The following KCNH1 variants were observed in gnomAD, a reference collection of about 807,000 sequenced individuals.
KCNH1 encodes the protein potassium voltage-gated channel subfamily H member 1, also known as voltage-gated delayed rectifier potassium channel KCNH1.
KCNH1 carries 27 observed loss-of-function variants against 69.2 expected under a neutral mutation model. That is an observed-to-expected ratio of 0.39 (90% CI 0.29 to 0.54). The LOEUF (loss-of-function observed/expected upper bound fraction) is 0.54. KCNH1 is among the 20% of genes least tolerant of loss of function. The probability of loss-of-function intolerance (pLI) is 0.68; values close to 1 mark genes in which losing one functional copy is unlikely to be tolerated. For missense variants in KCNH1, 798 were observed against 1,261.6 expected, an observed-to-expected ratio of 0.63 and a Z score of 5.57; for synonymous variants, 456 against 487.7, an observed-to-expected ratio of 0.93 and a Z score of 0.86.
At position 210,797,514 on chromosome 1, in the gene KCNH1, T is replaced by C; in HGVS notation, c.1909A>G (p.Ile637Val). The C allele has an allele frequency of 1.2e-6, 2 of 1,614,000 alleles. No individual in the cohort carries two copies. Among genetic ancestry groups the C allele is most frequent in the Non-Finnish European group, 1.7e-6 (2 of 1,179,900 alleles). Residue 637 changes from isoleucine to valine, a missense_variant, in exon 9 of 11, where the codon ATT becomes GTT. Around this residue, in one of 4 missense-constraint regions of KCNH1, gnomAD observed 197 missense variants for 407.7 expected, o/e 0.48. Transcript: ENST00000271751. Reference sequence around the variant, plus strand: ...CAGCAAAGCCAACACCTACCTAGAATGGCCACCACCTCATCATCTTGGATC... The same window carrying C: ...CAGCAAAGCCAACACCTACCTAGAACGGCCACCACCTCATCATCTTGGATC... ...EVIQDDEVVA[I>V]LGKGDVFGDV...
chr1:210,757,450 G>A (rs1033469863), intron 10 of KCNH1, among the ~76,000 whole-genome samples: 13 of 152,124 alleles, frequency 8.5e-5, no homozygotes, highest in African/African-American at 3.1e-4. Flanking sequence ...GCCAGAAAAG[G>A]CCTTAGATTC....
intron 10 of KCNH1, among the ~76,000 whole-genome samples, chr1:210,726,194 T>A (rs1197919850): frequency 6.6e-6 from 1 of 152,036 alleles, no homozygotes; most frequent in African/African-American, 2.4e-5. Context: ...ATGAACAGGA[T>A]CCTGGTATCA....
intron 9 of KCNH1, among the ~76,000 whole-genome samples, chr1:210,788,685 C>CTTTTTTTTTTTTTTTTTTT (rs139485350): frequency 1.2e-5 from 1 of 80,712 alleles, no homozygotes; most frequent in African/African-American, 5.0e-5. Flanking sequence ...TAGCTTCTTT[C>CTTTTTTTTTTTTTTTTTTT]TTTTTTTTTT....
intron 1 of KCNH1, among the ~76,000 whole-genome samples, chr1:211,129,911 T>A (rs946144): frequency 6.6e-6 from 1 of 152,242 alleles, no homozygotes; most frequent in Non-Finnish European, 1.5e-5. Context: ...TGCATGGATT[T>A]TTACTGGCAC....
rs1378132564 is a variant in KCNH1 at position 210,844,849 on chromosome 1, A to T, written c.1463-40683T>A. On this transcript the variant is annotated intron_variant, in intron 7 of 10. Coordinates refer to ENST00000271751, the MANE Select transcript of KCNH1 (RefSeq NM_172362.3). ...TCGCTAGCAAGACTAATAAAGAAGA[A>T]AAAAGAGAAGAATCAAACAGATGCA... Among the ~76,000 whole-genome samples, 3 of 152,214 alleles carry T rather than the reference A, an allele frequency of 2.0e-5. No individual in the cohort carries two copies. In the East Asian group the frequency reaches 5.8e-4, roughly 29 times the overall value.
chr1:210,922,376 T>C (rs1182773214), intron 6 of KCNH1, among the ~76,000 whole-genome samples: 2 of 91,900 alleles, frequency 2.2e-5, no homozygotes, highest in Admixed American at 1.7e-4. Flanking sequence ...AGAGCGAGAC[T>C]CCGTCTCAAA....
chr1:211,010,459 C>A (rs1014425482), intron 6 of KCNH1, among the ~76,000 whole-genome samples: 1 of 152,152 alleles, frequency 6.6e-6, no homozygotes, highest in Non-Finnish European at 1.5e-5. Context: ...CTCTAGGATT[C>A]TTTATCACTG....
chr1:210,923,326 G>A (rs1687502632), intron 6 of KCNH1, among the ~76,000 whole-genome samples: 2 of 152,092 alleles, frequency 1.3e-5, no homozygotes, highest in South Asian at 2.1e-4. Context: ...GCCTCTCCTC[G>A]ACCACTCCCA....
chr1:210,851,004 CCTT>C (rs1368918580), intron 7 of KCNH1, among the ~76,000 whole-genome samples: 2 of 152,210 alleles, frequency 1.3e-5, no homozygotes, highest in African/African-American at 2.4e-5. Flanking sequence ...GCCAAATCAA[CCTT>C]CTCACTCACC....
At position 211,133,881 on chromosome 1, in the gene KCNH1, A is replaced by C. The variant is rs1691924288; in HGVS notation, c.65T>G (p.Val22Gly). ...APQNTFLENI[V>G]RRSNDTNFVL... ...GCACCTCTTACCATTGGACCGCCGA[A>C]CAATATTCTCCAGAAACGTGTTTTG... Residue 22 changes from valine to glycine, a missense_variant, in exon 1 of 11, where the codon GTT (valine) becomes GGT (glycine). Transcript: ENST00000271751. The surrounding 1 kb of genome is among the most constrained non-coding windows in gnomAD (Gnocchi z 5.4). 12 of 1,610,836 alleles carry C rather than the reference A, an allele frequency of 7.4e-6. No individual in the cohort carries two copies. The highest frequency in any genetic ancestry group is 1.0e-5 in the Non-Finnish European group (12 of 1,178,652).
chr1:210,964,797 A>G (rs1574365817), intron 6 of KCNH1, among the ~76,000 whole-genome samples: 3 of 152,318 alleles, frequency 2.0e-5, no homozygotes, highest in Admixed American at 2.0e-4. Context: ...AGACACAACA[A>G]AAAAAGAAAA....
intron 8 of KCNH1, among the ~76,000 whole-genome samples, chr1:210,799,776 T>A (rs891813903): frequency 6.6e-6 from 1 of 152,216 alleles, no homozygotes; most frequent in Non-Finnish European, 1.5e-5. Flanking sequence ...TTTGCCACTA[T>A]ATCTGCTGCT....
At chr1:210,822,036 C>T (rs1348989164) in intron 7 of KCNH1, among the ~76,000 whole-genome samples, 1 of 151,894 alleles carries the variant, frequency 6.6e-6, no homozygotes, top group Non-Finnish European at 1.5e-5. Context: ...CATATGCAAG[C>T]CTCTCCCTTG....
intron 5 of KCNH1, among the ~76,000 whole-genome samples, chr1:211,074,861 G>T (rs1433431155): frequency 6.6e-6 from 1 of 152,178 alleles, no homozygotes; most frequent in African/African-American, 2.4e-5. Context: ...GTTTCCATCT[G>T]TCAACCTGCC....
At chr1:211,003,600 C>G (rs61850225) in intron 6 of KCNH1, among the ~76,000 whole-genome samples, 9,182 of 151,864 alleles carry the variant, frequency 0.06, 424 homozygotes, top group South Asian at 0.13. Flanking sequence ...CAGATGGTGG[C>G]CATATCTAGG....
At chr1:210,751,241 AG>A (rs2149042740) in intron 10 of KCNH1, among the ~76,000 whole-genome samples, 1 of 152,310 alleles carries the variant, frequency 6.6e-6, no homozygotes, top group African/African-American at 2.4e-5. Flanking sequence ...AGAGAAGGTC[AG>A]GAGGCTGATG....
At chr1:210,767,441 C>T (rs1192858817) in intron 10 of KCNH1, among the ~76,000 whole-genome samples, 2 of 152,156 alleles carry the variant, frequency 1.3e-5, no homozygotes, top group Non-Finnish European at 2.9e-5. Flanking sequence ...CTTGATGTTT[C>T]AGAGGCAAGA....
chr1:211,110,794 G>C (rs1691447180), intron 1 of KCNH1, among the ~76,000 whole-genome samples: 1 of 152,090 alleles, frequency 6.6e-6, no homozygotes, highest in Non-Finnish European at 1.5e-5. Context: ...AGGAGGAGGG[G>C]TAGGGAGTAA....
intron 3 of KCNH1, among the ~76,000 whole-genome samples, chr1:211,091,772 C>T (rs1691056903): frequency 6.6e-6 from 1 of 152,188 alleles, no homozygotes; most frequent in Non-Finnish European, 1.5e-5. Flanking sequence ...ACTGGCTTCT[C>T]AGAGAGGATA....
Sources: allele counts gnomAD v4.1 joint callset (sites outside exome capture counted in the v4.1 genomes callset), GRCh38; gene constraint gnomAD v4.1.1; regional missense constraint gnomAD v4.1.1; non-coding constraint Gnocchi (gnomAD v3.1); transcripts MANE v1.5; gene names NCBI Gene and HGNC (gene_info 2026-07-23, HGNC 2026-07-21).